GABRR3: variants seen among roughly 807,000 people sequenced by gnomAD.
The protein encoded by GABRR3 is gamma-aminobutyric acid type A receptor subunit rho3.
GABRR3 carries 29 observed loss-of-function variants against 43.2 expected under a neutral mutation model. The observed-to-expected ratio is 0.67, with a 90% CI of 0.50 to 0.92. The LOEUF (loss-of-function observed/expected upper bound fraction) is 0.92, where lower values mean the gene tolerates loss of function less well. GABRR3 is among the 40% of genes least tolerant of loss of function. The pLI, the probability that GABRR3 is intolerant of heterozygous loss-of-function variation, is 0.00. For missense variants in GABRR3, 576 were observed against 572.3 expected, an observed-to-expected ratio of 1.01 and a Z score of -0.07; for synonymous variants, 206 against 195.9, an observed-to-expected ratio of 1.05 and a Z score of -0.43.
chr3:98,026,050 C>T (rs1017293646), intron 2 of GABRR3, among the ~76,000 whole-genome samples: 2 of 152,282 alleles, frequency 1.3e-5, no homozygotes, highest in African/African-American at 4.8e-5. Flanking sequence ...CCCTAGGAAG[C>T]AGGGCCTAGT....
intron 8 of GABRR3, chr3:97,998,960 C>T (rs775328122): frequency 6.6e-6 from 1 of 152,074 alleles, no homozygotes; most frequent in African/African-American, 2.4e-5. Context: ...GCAACAAAAG[C>T]TCTCTAGTGT....
At chr3:97,992,573 C>A (rs1427089633) in intron 9 of GABRR3, among the ~76,000 whole-genome samples, 1 of 152,190 alleles carries the variant, frequency 6.6e-6, no homozygotes, top group South Asian at 2.1e-4. Context: ...TGTATGTCAA[C>A]CCCTTTTATT....
chr3:98,035,169 C>A, intron 1 of GABRR3, 21 bp downstream of exon 1: 1 of 634,586 alleles, frequency 1.6e-6, no homozygotes, highest in Non-Finnish European at 2.6e-6. Context: ...TGACTCACAG[C>A]ACTTACAGGC....
chr3:97,989,729 T>A (rs1292699045), intron 9 of GABRR3, among the ~76,000 whole-genome samples: 1 of 152,026 alleles, frequency 6.6e-6, no homozygotes, highest in African/African-American at 2.4e-5. Context: ...GGTGTCCAGG[T>A]CTTTTCTCTG....
chr3:97,990,457 T>A (rs984121970), intron 9 of GABRR3, among the ~76,000 whole-genome samples: 1 of 151,930 alleles, frequency 6.6e-6, no homozygotes, highest in Non-Finnish European at 1.5e-5. Context: ...CAAGCAATTC[T>A]CCTGCTTGAG....
At chr3:98,005,375 G>C (rs2107234819) in intron 7 of GABRR3, among the ~76,000 whole-genome samples, 1 of 152,086 alleles carries the variant, frequency 6.6e-6, no homozygotes, top group East Asian at 1.9e-4. Flanking sequence ...ATGTATTATG[G>C]ATAAGTCTCC....
At chr3:97,989,430 TGA>T (rs1199794780) in intron 9 of GABRR3, among the ~76,000 whole-genome samples, 2 of 129,148 alleles carry the variant, frequency 1.5e-5, no homozygotes, top group Non-Finnish European at 3.3e-5. Context: ...TGGTTAGTGG[TGA>T]GTAGTGGTGG....
intron 3 of GABRR3, among the ~76,000 whole-genome samples, chr3:98,023,274 C>G (rs1207437117): frequency 6.6e-6 from 1 of 152,152 alleles, no homozygotes; most frequent in Admixed American, 6.5e-5. Context: ...TCCATAAAAA[C>G]CCTTTCCTCT....
At chr3:98,014,866 CTTTT>C (rs138929749) in intron 4 of GABRR3, among the ~76,000 whole-genome samples, 1,642 of 152,272 alleles carry the variant, frequency 0.011, 26 homozygotes, top group African/African-American at 0.038. Flanking sequence ...TTGTCTCTCT[CTTTT>C]TATCTTTAAT....
chr3:98,006,759 G>A (rs866289756), intron 7 of GABRR3, among the ~76,000 whole-genome samples: 91 of 152,110 alleles, frequency 6.0e-4, no homozygotes, highest in African/African-American at 2.1e-3. Flanking sequence ...ATCCAGAAGG[G>A]GAATGATAGT....
chr3:97,986,720 A>C, exon 10 of GABRR3: 1 of 1,572,276 alleles, frequency 6.4e-7, no homozygotes, highest in Non-Finnish European at 8.7e-7. Flanking sequence ...ATTAAATAAA[A>C]TATACACAAT....
At chr3:97,994,017 T>C (rs1051719731) in intron 8 of GABRR3, among the ~76,000 whole-genome samples, 4 of 152,230 alleles carry the variant, frequency 2.6e-5, no homozygotes, top group Admixed American at 6.5e-5. Context: ...AGAGAAAGTA[T>C]ACAATTGTAA....
chr3:97,995,587 T>G (rs1326687438), intron 8 of GABRR3, among the ~76,000 whole-genome samples: 1 of 150,422 alleles, frequency 6.6e-6, no homozygotes, highest in Non-Finnish European at 1.5e-5. Context: ...TAAATTTTCC[T>G]TCTTTAAGAT....
Position 98,001,645 on chromosome 3 carries a change from G to A in GABRR3, c.877C>T (p.Arg293Ter), listed in dbSNP as rs998824184. 46 of 1,612,930 alleles carry A rather than the reference G, an allele frequency of 2.9e-5. No individual in the cohort carries two copies. The highest frequency in any genetic ancestry group is 1.8e-4 in the East Asian group (8 of 44,872). Reference sequence around the variant, plus strand: ...GAAACTCTTGCAGGAACAGCTCTTCGGTCAATCCAAAATGAAACCCATGAA... The same window carrying A: ...GAAACTCTTGCAGGAACAGCTCTTCAGTCAATCCAAAATGAAACCCATGAA... Residue 293 changes from arginine to a stop codon, truncating the protein, a stop_gained, in exon 8 of 10, where the codon CGA becomes TGA. Coordinates refer to ENST00000621172, the Ensembl canonical transcript of GABRR3. LOFTEE classifies it high-confidence loss of function.
chr3:98,030,678 A>G (rs1498646), intron 2 of GABRR3, among the ~76,000 whole-genome samples: 74,242 of 151,876 alleles, frequency 0.49, 18,283 homozygotes, highest in East Asian at 0.54. Flanking sequence ...TCTGGTCAAA[A>G]CTCTCCACCT....
At chr3:98,017,770 TTTTAAAACCA>T in intron 3 of GABRR3, 48 bp from the exon 4 acceptor site, 4 of 1,310,132 alleles carry the variant, frequency 3.1e-6, no homozygotes, top group Non-Finnish European at 4.3e-6. Flanking sequence ...ATTATAATCA[TTTTAAAACCA>T]TTTAAAACAG....
chr3:97,988,337 G>A (rs986171084), intron 9 of GABRR3, among the ~76,000 whole-genome samples: 2 of 152,028 alleles, frequency 1.3e-5, no homozygotes, highest in Non-Finnish European at 2.9e-5. Flanking sequence ...CTTGGCCTCC[G>A]AAAGTGCTGG....
chr3:98,010,333 C>A (rs116587564), intron 5 of GABRR3, among the ~76,000 whole-genome samples: 1,541 of 152,268 alleles, frequency 0.01, 22 homozygotes, highest in African/African-American at 0.035. Flanking sequence ...ATGATATGTG[C>A]CAACACCCTG....
At chr3:98,034,870 G>C (rs1015263205) in exon 2 of GABRR3, 1 of 1,612,844 alleles carries the variant, frequency 6.2e-7, no homozygotes, top group African/African-American at 1.3e-5. Flanking sequence ...TACCAGGTTT[G>C]TTTCATTGAA....
Sources: gnomAD v4.1 joint callset for allele counts (sites outside exome capture counted in the v4.1 genomes callset) on GRCh38, gnomAD v4.1.1 for gene constraint, MANE v1.5 for transcripts, NCBI Gene and HGNC (gene_info 2026-07-23, HGNC 2026-07-21) for gene names.